DPYD: variants seen among roughly 807,000 people sequenced by gnomAD.
DPYD encodes dihydropyrimidine dehydrogenase [NADP(+)].
In DPYD, 109 loss-of-function variants were observed where a neutral mutation model predicts 116.2. The observed-to-expected ratio is 0.94, with a 90% CI of 0.80 to 1.10. The LOEUF is 1.10. Ranked by LOEUF, DPYD falls within the 50% of genes least tolerant of loss-of-function variation. The pLI, the probability that DPYD is intolerant of heterozygous loss-of-function variation, is 0.00. For synonymous variants in DPYD, 440 were observed against 432.0 expected, an observed-to-expected ratio of 1.02 and a Z score of -0.23; for missense variants, 1,302 against 1,254.5, an observed-to-expected ratio of 1.04 and a Z score of -0.57.
chr1:97,109,228 AAATCTCAT>A lies in DPYD; in HGVS notation c.2623-10604_2623-10597del, dbSNP rs1316889845. On this transcript the variant is annotated intron_variant, in intron 20 of 22. Transcript: ENST00000370192. ...ACCAAAGTATTATTACATTGTGCAT[AAATCTCAT>A]TTATGCACAATATAATAAATAATGT... Among the ~76,000 whole-genome samples the A allele has an allele frequency of 3.3e-5, 5 of 152,266 alleles. No homozygotes were observed. The East Asian group carries it at 9.6e-4, about 29-fold the overall frequency.
rs567240055 is a variant in DPYD at position 97,133,834 on chromosome 1, C to T, written c.2623-35202G>A. The stretch of plus-strand genomic sequence containing the variant: ...CCAACATGGTGAAATCCCGTCTCTA[C>T]TAAAAATACAAAAAATTAGCCAGGT... On this transcript the variant is annotated intron_variant, in intron 20 of 22. Coordinates refer to ENST00000370192, the MANE Select transcript of DPYD (RefSeq NM_000110.4). Among the ~76,000 whole-genome samples the T allele has an allele frequency of 3.3e-5, 5 of 150,644 alleles. No individual in the cohort carries two copies. The East Asian group carries it at 7.8e-4, about 24-fold the overall frequency.
At chr1:97,337,041 A>G (rs1669329043) in intron 16 of DPYD, among the ~76,000 whole-genome samples, 1 of 152,188 alleles carries the variant, frequency 6.6e-6, no homozygotes, top group Non-Finnish European at 1.5e-5. Context: ...GCACAGACAG[A>G]AAGAGTTTGG....
intron 2 of DPYD, among the ~76,000 whole-genome samples, chr1:97,860,950 A>C (rs1571486663): frequency 6.6e-6 from 1 of 152,062 alleles, no homozygotes; most frequent in East Asian, 1.9e-4. Context: ...CTTTTGAGAT[A>C]AAATCTAGCT....
chr1:97,137,928 A>G (rs537264538), intron 20 of DPYD, among the ~76,000 whole-genome samples: 1 of 152,174 alleles, frequency 6.6e-6, no homozygotes, highest in Non-Finnish European at 1.5e-5. Flanking sequence ...ACACCTTAAC[A>G]TAAAGGAAGT....
intron 8 of DPYD, among the ~76,000 whole-genome samples, chr1:97,658,769 A>C (rs1380280345): frequency 1.3e-5 from 2 of 152,122 alleles, no homozygotes; most frequent in African/African-American, 4.8e-5. Context: ...AGTAGAATAA[A>C]TGCCCAACTT....
At chr1:97,879,042 A>C (rs1252325271) in intron 2 of DPYD, among the ~76,000 whole-genome samples, 2 of 151,992 alleles carry the variant, frequency 1.3e-5, no homozygotes, top group Admixed American at 6.6e-5. Context: ...ATTCAAAAAA[A>C]TTCTACTAAA....
At chr1:97,317,204 G>A (rs1042913575) in intron 16 of DPYD, among the ~76,000 whole-genome samples, 4 of 151,856 alleles carry the variant, frequency 2.6e-5, no homozygotes, top group African/African-American at 7.2e-5. Flanking sequence ...TACAAAAAGG[G>A]TGTCATCCAT....
At chr1:97,150,273 A>AG (rs1654922280) in intron 20 of DPYD, among the ~76,000 whole-genome samples, 1 of 152,002 alleles carries the variant, frequency 6.6e-6, no homozygotes, top group East Asian at 1.9e-4. Context: ...ATCTTAAAAA[A>AG]AAAAAACTAA....
At chr1:97,293,312 C>T (rs570503526) in intron 18 of DPYD, among the ~76,000 whole-genome samples, 2 of 152,090 alleles carry the variant, frequency 1.3e-5, no homozygotes, top group Admixed American at 6.5e-5. Context: ...TAAATTAATA[C>T]AGAATGAGCA....
intron 8 of DPYD, among the ~76,000 whole-genome samples, chr1:97,677,605 C>T (rs1379111750): frequency 6.6e-6 from 1 of 152,072 alleles, no homozygotes; most frequent in Non-Finnish European, 1.5e-5. Flanking sequence ...TGCCTCCTTC[C>T]TACTTTTGAT....
chr1:97,692,902 C>T (rs955084454), intron 6 of DPYD, among the ~76,000 whole-genome samples: 1 of 152,024 alleles, frequency 6.6e-6, no homozygotes, highest in Admixed American at 6.6e-5. Flanking sequence ...TGAAAAATCT[C>T]CCAAAGTACA....
chr1:97,781,597 C>T (rs554257733), intron 3 of DPYD, among the ~76,000 whole-genome samples: 1 of 152,272 alleles, frequency 6.6e-6, no homozygotes, highest in African/African-American at 2.4e-5. Flanking sequence ...ACCTGAATCA[C>T]ATCCTAAATG....
chr1:97,809,709 T>C (rs1026554574), intron 3 of DPYD, among the ~76,000 whole-genome samples: 4 of 152,092 alleles, frequency 2.6e-5, no homozygotes, highest in African/African-American at 9.7e-5. Flanking sequence ...ATTAAGTGTC[T>C]GAGGTAACTG....
chr1:97,766,462 G>T (rs996032061), intron 3 of DPYD, among the ~76,000 whole-genome samples: 3 of 152,024 alleles, frequency 2.0e-5, no homozygotes, highest in Non-Finnish European at 4.4e-5. Context: ...GCCAAGGATT[G>T]CTGAGTTGGA....
At chr1:97,218,975 A>G (rs1660606621) in intron 19 of DPYD, among the ~76,000 whole-genome samples, 1 of 152,200 alleles carries the variant, frequency 6.6e-6, no homozygotes, top group Non-Finnish European at 1.5e-5. Flanking sequence ...AATTAAAGGT[A>G]CCAGTCTGAA....
intron 18 of DPYD, among the ~76,000 whole-genome samples, chr1:97,260,015 C>A (rs2100845641): frequency 6.6e-6 from 1 of 152,202 alleles, no homozygotes; most frequent in South Asian, 2.1e-4. Context: ...ATGTTTTCAC[C>A]TTTTTACTTT....
chr1:97,344,872 A>G (rs1450107284), intron 16 of DPYD, among the ~76,000 whole-genome samples: 2 of 151,948 alleles, frequency 1.3e-5, no homozygotes, highest in East Asian at 1.9e-4. Context: ...GACTAAAAGT[A>G]TATGCCATGA....
In DPYD at chr1:97,343,132, T is replaced by C. The variant is rs1182336415; in HGVS notation, c.2058+30429A>G. On this transcript the variant is annotated intron_variant, in intron 16 of 22. Transcript: ENST00000370192. ...TATGTGTGTGTTTAATTGTCCCAGC[T>C]ATCTTCTATGAACTGAGAAAGGCCT... Among the ~76,000 whole-genome samples, 3 of 151,776 alleles carry C rather than the reference T, an allele frequency of 2.0e-5. No individual in the cohort carries two copies. In the Admixed American group the frequency reaches 2.0e-4, roughly 10 times the overall value.
chr1:97,409,096 T>C (rs981645773), intron 14 of DPYD, among the ~76,000 whole-genome samples: 5 of 152,134 alleles, frequency 3.3e-5, no homozygotes, highest in African/African-American at 1.2e-4. Context: ...CCTTCATATT[T>C]ACATCAGATA....
Sources: allele counts gnomAD v4.1 joint callset (sites outside exome capture counted in the v4.1 genomes callset), GRCh38; gene constraint gnomAD v4.1.1; transcripts MANE v1.5; gene names NCBI Gene and HGNC (gene_info 2026-07-23, HGNC 2026-07-21).